The following AXIN2 variants were observed in gnomAD, a reference collection of about 807,000 sequenced individuals.
AXIN2 encodes the protein axin-2.
A neutral mutation model predicts 74.7 loss-of-function variants in AXIN2; 21 were observed. That is an observed-to-expected ratio of 0.28 (90% CI 0.20 to 0.40). The LOEUF (loss-of-function observed/expected upper bound fraction) is 0.40. Ranked by LOEUF, AXIN2 falls within the 10% of genes least tolerant of loss-of-function variation. The pLI is 1.00. For missense variants in AXIN2, 1,144 were observed against 1,111.1 expected (o/e 1.03, Z -0.42); for synonymous variants, 532 against 454.9 (o/e 1.17, Z -2.16).
chr17:65,541,364 C>A, intron 4 of AXIN2, 91 bp downstream of exon 4: 1 of 1,197,072 alleles, frequency 8.4e-7, no homozygotes, highest in East Asian at 2.3e-5. Flanking sequence ...TCTACCTTCC[C>A]TATACCTCTC....
intron 9 of AXIN2, 110 bp downstream of exon 9, chr17:65,535,516 G>C (rs1395510617): frequency 9.7e-7 from 1 of 1,033,278 alleles, no homozygotes; most frequent in Non-Finnish European, 1.5e-6. Flanking sequence ...TAAAATCAAA[G>C]TGATTTTAAA....
At chr17:65,537,935 C>G (rs971738462) in intron 5 of AXIN2, 100 bp from the exon 6 acceptor site, 2 of 1,448,350 alleles carry the variant, frequency 1.4e-6, no homozygotes, top group Non-Finnish European at 1.9e-6. Flanking sequence ...AGCACGCACA[C>G]CCGTGTGCAC....
intron 2 of AXIN2, 91 bp from the exon 3 acceptor site, chr17:65,549,751 C>T (rs1172438554): frequency 1.1e-5 from 16 of 1,493,676 alleles, no homozygotes; most frequent in African/African-American, 1.4e-5. Flanking sequence ...GCACACTATC[C>T]CACAATCTGC....
rs745555433 is a variant in AXIN2, at chr17:65,537,630, T to A, written c.1406A>T (p.His469Leu). The change falls in exon 6 of 11, where the codon CAC (histidine) becomes CTC (leucine). Residue 469 changes from histidine (H) to leucine (L), a missense_variant. Physicochemically the swap from His to Leu is moderately conservative, Grantham distance 99. Transcript: ENST00000307078. Reference protein sequence around the residue: ...RYSPRSRSPDHHHHHHSQYHS... With the variant: ...RYSPRSRSPDLHHHHHSQYHS... ...GTACTGCGAATGGTGGTGGTGGTGG[T>A]GGTCCGGGGAGCGGGAGCGGGGGCT... is the stretch of plus-strand genomic sequence containing the variant. The A allele has an allele frequency of 6.3e-7, 1 of 1,590,712 alleles. No individual in the cohort carries two copies. Among genetic ancestry groups the A allele is most frequent in the South Asian group, 1.1e-5 (1 of 89,754 alleles).
intron 1 of AXIN2, chr17:65,560,703 C>T (rs1479135715): frequency 2.6e-5 from 4 of 151,760 alleles, no homozygotes; most frequent in Non-Finnish European, 4.4e-5. Flanking sequence ...GGCGCCGGGT[C>T]CGCCGCTCCC....
intron 4 of AXIN2, among the ~76,000 whole-genome samples, chr17:65,538,997 T>C (rs1184873032): frequency 2.0e-5 from 3 of 152,180 alleles, no homozygotes; most frequent in Non-Finnish European, 2.9e-5. Context: ...AGAAAGCTGC[T>C]GCAGGCTAGT....
At chr17:65,532,130 G>A (rs904242562) in intron 10 of AXIN2, among the ~76,000 whole-genome samples, 3 of 152,212 alleles carry the variant, frequency 2.0e-5, no homozygotes, top group East Asian at 3.9e-4. Flanking sequence ...GGAGAGGATC[G>A]GAGAGTTGAC....
At chr17:65,542,916 C>G (rs1278618269) in intron 3 of AXIN2, among the ~76,000 whole-genome samples, 1 of 152,152 alleles carries the variant, frequency 6.6e-6, no homozygotes, top group Non-Finnish European at 1.5e-5. Flanking sequence ...TCTAAAAATA[C>G]CCAGGGGGCA....
chr17:65,540,239 CAGG>C (rs2044020745), intron 4 of AXIN2, among the ~76,000 whole-genome samples: 1 of 86,882 alleles, frequency 1.2e-5, no homozygotes, highest in Admixed American at 1.4e-4. Context: ...GTGAAGAGAG[CAGG>C]AGGATGTCCC....
chr17:65,545,554 GGTGCAC>G (rs1364644106), intron 3 of AXIN2, among the ~76,000 whole-genome samples: 1 of 152,086 alleles, frequency 6.6e-6, no homozygotes, highest in Non-Finnish European at 1.5e-5. Flanking sequence ...TGGGCGTGGT[GGTGCAC>G]GCCTGTAGTC....
intron 9 of AXIN2, 118 bp downstream of exon 9, chr17:65,535,508 A>G (rs2043894592): frequency 1.0e-6 from 1 of 972,600 alleles, no homozygotes; most frequent in Admixed American, 2.0e-5. Flanking sequence ...ACTAGCGCTA[A>G]AATCAAAGTG....
In AXIN2 at chr17:65,537,580, T is replaced by C; in HGVS notation, c.1456A>G (p.Lys486Glu). The C allele has an allele frequency of 6.2e-7, 1 of 1,608,738 alleles. No homozygotes were observed. The highest frequency in any genetic ancestry group is 8.5e-7 in the Non-Finnish European group (1 of 1,178,516). Reference sequence around the variant, plus strand: ...GGCGAGGCGGCCGCGGGAGGCAGCTTGCCACCGGGCGGGAGCAGGGAGTGG... The same window carrying C: ...GGCGAGGCGGCCGCGGGAGGCAGCTCGCCACCGGGCGGGAGCAGGGAGTGG... ...QYHSLLPPGG[K>E]LPPAAASPGA... is the part of the protein sequence containing the mutation. The change falls in exon 6 of 11, where the codon AAG (lysine) becomes GAG (glutamate). Residue 486 changes from lysine to glutamate, a missense_variant. Around this residue, in one of 4 missense-constraint regions of AXIN2, gnomAD observed 1,053 missense variants for 973.5 expected, o/e 1.08. Coordinates refer to ENST00000307078, the MANE Select transcript of AXIN2 (RefSeq NM_004655.4).
rs1338313550 is a variant in AXIN2 at position 65,537,797 on chromosome 17, C to T, written c.1239G>A (p.Ser413=). ...GGTGCTGCGTGGGCGCCCCCTCCCG[C>T]GAATTGAGTGTGAGCTCGGAGCCCT... ...EREGSELTLN[S]REGAPTQHPL... The change falls in exon 6 of 11, where the codon TCG becomes TCA. Residue 413 remains serine (S), a synonymous_variant. Coordinates refer to ENST00000307078, the MANE Select transcript of AXIN2 (RefSeq NM_004655.4). The T allele has an allele frequency of 7.6e-6, 12 of 1,586,448 alleles. No individual in the cohort carries two copies. The highest frequency in any genetic ancestry group is 1.0e-5 in the Non-Finnish European group (12 of 1,166,980).
intron 2 of AXIN2, among the ~76,000 whole-genome samples, chr17:65,555,335 G>A (rs2044252418): frequency 6.6e-6 from 1 of 152,172 alleles, no homozygotes; most frequent in South Asian, 2.1e-4. Flanking sequence ...TGAGTGTGCG[G>A]GAGAGGGAAG....
intron 3 of AXIN2, among the ~76,000 whole-genome samples, chr17:65,547,017 C>A (rs2044128225): frequency 6.6e-6 from 1 of 152,144 alleles, no homozygotes; most frequent in African/African-American, 2.4e-5. Context: ...TAGGGACTGG[C>A]AAAGGTAACC....
At position 65,540,750 on chromosome 17, in the gene AXIN2, G is replaced by A. The variant is rs993833120; in HGVS notation, c.1059+705C>T. Among the ~76,000 whole-genome samples, 12 of 152,184 alleles carry A rather than the reference G, an allele frequency of 7.9e-5. No individual in the cohort carries two copies. In the South Asian group the frequency reaches 8.3e-4, roughly 11 times the overall value. On this transcript the variant is annotated intron_variant, in intron 4 of 10. Coordinates refer to ENST00000307078, the MANE Select transcript of AXIN2 (RefSeq NM_004655.4). ...CCAACCTCAGCTTGCTGTTTCTCCC[G>A]CTATGTTACAAACTGGCTCTCCTTC...
intron 8 of AXIN2, 36 bp downstream of exon 8, chr17:65,536,284 C>T: frequency 6.4e-7 from 1 of 1,568,224 alleles, no homozygotes; most frequent in Non-Finnish European, 8.7e-7. Flanking sequence ...CAAACCCAAT[C>T]CCTGCCTCAA....
At chr17:65,551,277 G>A (rs1300291800) in intron 2 of AXIN2, among the ~76,000 whole-genome samples, 1 of 140,478 alleles carries the variant, frequency 7.1e-6, no homozygotes, top group Admixed American at 7.4e-5. Context: ...AGGAATTTGA[G>A]GAGATGACAA....
intron 2 of AXIN2, among the ~76,000 whole-genome samples, chr17:65,555,900 C>T (rs1024932134): frequency 6.6e-6 from 1 of 151,506 alleles, no homozygotes; most frequent in African/African-American, 2.4e-5. Context: ...CTTTAAGATG[C>T]TTCATCTCAA....
Sources: allele counts gnomAD v4.1 joint callset (sites outside exome capture counted in the v4.1 genomes callset), GRCh38; gene constraint gnomAD v4.1.1; regional missense constraint gnomAD v4.1.1; transcripts MANE v1.5; gene names NCBI Gene and HGNC (gene_info 2026-07-23, HGNC 2026-07-21).